HACD2: variants seen among roughly 807,000 people sequenced by gnomAD.
HACD2 encodes the protein 3-hydroxyacyl-CoA dehydratase 2.
Under a neutral mutation model 31.0 loss-of-function variants are expected in HACD2, and 15 were observed. The observed-to-expected ratio is 0.48, with a 90% CI of 0.32 to 0.75. The LOEUF (loss-of-function observed/expected upper bound fraction) is 0.75, where lower values mean the gene tolerates loss of function less well. Among genes scored for constraint, HACD2 ranks in the 30% least tolerant of loss-of-function variants. HACD2 has a pLI of 0.03. For synonymous variants in HACD2, 115 were observed against 122.2 expected (o/e 0.94, Z 0.39); for missense variants, 283 against 313.0 (o/e 0.90, Z 0.72).
chr3:123,547,227 A>G (rs1037988100), intron 3 of HACD2, among the ~76,000 whole-genome samples: 21 of 152,180 alleles, frequency 1.4e-4, no homozygotes, highest in Admixed American at 3.9e-4. Context: ...CTTCCTCCAC[A>G]CAGATTATTT....
chr3:123,520,106 C>T (rs2056194506), intron 4 of HACD2, among the ~76,000 whole-genome samples: 1 of 152,160 alleles, frequency 6.6e-6, no homozygotes, highest in Non-Finnish European at 1.5e-5. Flanking sequence ...CCTGTATGGC[C>T]TCCTGACTCA....
At chr3:123,562,556 G>C (rs2720325) in intron 3 of HACD2, among the ~76,000 whole-genome samples, 55,558 of 152,020 alleles carry the variant, frequency 0.37, 11,249 homozygotes, top group African/African-American at 0.55. Flanking sequence ...GTAATAATAA[G>C]AGCTACCATT....
At chr3:123,499,748 G>C (rs557273314) in intron 6 of HACD2, 11 of 410,426 alleles carry the variant, frequency 2.7e-5, no homozygotes, top group African/African-American at 2.3e-4. Flanking sequence ...ACTGTATGTC[G>C]TTGGTTATAA....
At chr3:123,523,762 A>G (rs1266606789) in intron 4 of HACD2, among the ~76,000 whole-genome samples, 1 of 152,140 alleles carries the variant, frequency 6.6e-6, no homozygotes, top group African/African-American at 2.4e-5. Flanking sequence ...CTGTGAAGAG[A>G]TCTCCCTAAT....
intron 2 of HACD2, among the ~76,000 whole-genome samples, chr3:123,579,269 T>C (rs1268383952): frequency 2.6e-5 from 4 of 152,098 alleles, no homozygotes; most frequent in Non-Finnish European, 2.9e-5. Context: ...TATACTTAAA[T>C]TTTAAAAATT....
chr3:123,562,660 G>C (rs901897075), intron 3 of HACD2, among the ~76,000 whole-genome samples: 1 of 152,146 alleles, frequency 6.6e-6, no homozygotes, highest in African/African-American at 2.4e-5. Context: ...AATCTGTGAG[G>C]TAGGTATTCT....
At chr3:123,569,287 A>T (rs902406995) in intron 2 of HACD2, among the ~76,000 whole-genome samples, 14 of 152,350 alleles carry the variant, frequency 9.2e-5, no homozygotes, top group African/African-American at 3.4e-4. Flanking sequence ...GAACTAAAAG[A>T]CAGATCTAGA....
chr3:123,534,002 C>T (rs76719035), intron 3 of HACD2, among the ~76,000 whole-genome samples: 1 of 149,836 alleles, frequency 6.7e-6, no homozygotes, highest in African/African-American at 2.5e-5. Flanking sequence ...GAAGCAAAAA[C>T]ACTGGCAGAT....
At chr3:123,561,065 G>C (rs2056722995) in intron 3 of HACD2, among the ~76,000 whole-genome samples, 1 of 152,150 alleles carries the variant, frequency 6.6e-6, no homozygotes, top group Non-Finnish European at 1.5e-5. Flanking sequence ...TAAAAACTTG[G>C]CCCTCTCAAA....
chr3:123,545,690 C>A (rs112162120), intron 3 of HACD2, among the ~76,000 whole-genome samples: 16,206 of 149,304 alleles, frequency 0.11, 1,381 homozygotes, highest in African/African-American at 0.24. Context: ...ATCATCTTAC[C>A]AAAAATATAT....
intron 3 of HACD2, among the ~76,000 whole-genome samples, chr3:123,546,581 T>G (rs1021992359): frequency 6.6e-6 from 1 of 152,118 alleles, no homozygotes; most frequent in Non-Finnish European, 1.5e-5. Flanking sequence ...CTTATAACCA[T>G]AAGACTACAA....
intron 4 of HACD2, chr3:123,502,995 T>C (rs2055924054): frequency 8.1e-6 from 2 of 248,234 alleles, no homozygotes; most frequent in Non-Finnish European, 1.6e-5. Flanking sequence ...CTGATGTCAG[T>C]GGTCACGCCT....
At chr3:123,555,849 CA>C (rs1242451980) in intron 3 of HACD2, among the ~76,000 whole-genome samples, 1 of 151,986 alleles carries the variant, frequency 6.6e-6, no homozygotes, top group Admixed American at 6.6e-5. Context: ...CTGGTATTGG[CA>C]AAATAATAAA....
chr3:123,509,500 T>G (rs2056023036), intron 4 of HACD2, among the ~76,000 whole-genome samples: 1 of 118,852 alleles, frequency 8.4e-6, no homozygotes, highest in Non-Finnish European at 1.6e-5. Flanking sequence ...TTCCTGTGAC[T>G]TCTTTTTTTT....
Position 123,494,672 on chromosome 3 carries a change from G to T in HACD2, c.*216C>A. 1.8e-6 allele frequency: 1 copy of T among 560,444 alleles called. No individual in the cohort carries two copies. The highest frequency in any genetic ancestry group is 3.1e-6 in the Non-Finnish European group (1 of 320,222). The allele number at this position is 560,444 out of a possible 1,614,324, so 34.7% of individuals were successfully genotyped here. A position where few individuals can be genotyped will look rare whatever the true frequency, so the allele number is the denominator to read the frequency against. ...TAAGAACTTCTGGTTGAAAGAGCAT[G>T]CTGAAATGAACTGGCCAGGGTGTTT... On this transcript the variant is annotated 3_prime_UTR_variant, in exon 7 of 7. Transcript: ENST00000383657.
At chr3:123,558,307 G>T (rs560137678) in intron 3 of HACD2, among the ~76,000 whole-genome samples, 1 of 152,276 alleles carries the variant, frequency 6.6e-6, no homozygotes, top group South Asian at 2.1e-4. Context: ...CCCAGAGTGG[G>T]AGTGAAAACA....
intron 2 of HACD2, among the ~76,000 whole-genome samples, chr3:123,571,156 T>C (rs1313673538): frequency 6.6e-6 from 1 of 152,234 alleles, no homozygotes. Context: ...GAACAGAATG[T>C]GCAGAGAGAA....
At chr3:123,551,188 G>C (rs567533623) in intron 3 of HACD2, among the ~76,000 whole-genome samples, 1 of 152,036 alleles carries the variant, frequency 6.6e-6, no homozygotes, top group Non-Finnish European at 1.5e-5. Flanking sequence ...TTACCCTTTC[G>C]GCGAAACATT....
At chr3:123,542,858 A>G (rs2056509950) in intron 3 of HACD2, among the ~76,000 whole-genome samples, 1 of 152,274 alleles carries the variant, frequency 6.6e-6, no homozygotes, top group African/African-American at 2.4e-5. Context: ...AGATGCTCCA[A>G]CTGGCCAAGA....
Sources: gnomAD v4.1 joint callset for allele counts (sites outside exome capture counted in the v4.1 genomes callset) on GRCh38, gnomAD v4.1.1 for gene constraint, MANE v1.5 for transcripts, NCBI Gene and HGNC (gene_info 2026-07-23, HGNC 2026-07-21) for gene names.